Variants in P4HA1 observed in about 807,000 individuals in gnomAD.
P4HA1 encodes the protein prolyl 4-hydroxylase subunit alpha 1.
P4HA1 carries 24 observed loss-of-function variants against 72.8 expected under a neutral mutation model. The observed-to-expected ratio is 0.33, with a 90% confidence interval of 0.24 to 0.46. The LOEUF is 0.46. Ranked by LOEUF, P4HA1 falls within the 20% of genes least tolerant of loss-of-function variation. The probability of loss-of-function intolerance (pLI) is 1.00; values close to 1 mark genes in which losing one functional copy is unlikely to be tolerated. For synonymous variants in P4HA1, 201 were observed against 218.8 expected, an observed-to-expected ratio of 0.92 and a Z score of 0.72; for missense variants, 446 against 640.6, an observed-to-expected ratio of 0.70 and a Z score of 3.28.
chr10:73,025,695 A>G (rs1840249657), intron 10 of P4HA1, among the ~76,000 whole-genome samples: 1 of 152,088 alleles, frequency 6.6e-6, no homozygotes, highest in Non-Finnish European at 1.5e-5. Context: ...AGATGACATG[A>G]TTGTATATTT....
chr10:73,078,140 G>A (rs1341736826), intron 1 of P4HA1, among the ~76,000 whole-genome samples: 2 of 147,942 alleles, frequency 1.4e-5, no homozygotes, highest in South Asian at 4.3e-4. Flanking sequence ...CACTTTTAAG[G>A]AGTTCATACA....
chr10:73,014,022 T>C (rs573557422), intron 12 of P4HA1, among the ~76,000 whole-genome samples: 1 of 152,228 alleles, frequency 6.6e-6, no homozygotes, highest in Non-Finnish European at 1.5e-5. Context: ...ATTCTAAGTT[T>C]GTCCAGAAGT....
intron 1 of P4HA1, among the ~76,000 whole-genome samples, chr10:73,086,255 T>C (rs1841921372): frequency 6.6e-6 from 1 of 152,230 alleles, no homozygotes; most frequent in East Asian, 1.9e-4. Context: ...GCATTATTCA[T>C]AATAGCCAAA....
chr10:73,063,601 T>C (rs1256527315), intron 5 of P4HA1, among the ~76,000 whole-genome samples: 1 of 152,240 alleles, frequency 6.6e-6, no homozygotes, highest in Non-Finnish European at 1.5e-5. Flanking sequence ...ACTGAGAAGA[T>C]GAGCTCATAA....
At chr10:73,096,619 G>A (rs1248454885) in intron 1 of P4HA1, 147 bp downstream of exon 1, 2 of 153,548 alleles carry the variant, frequency 1.3e-5, no homozygotes, top group Admixed American at 1.3e-4. Flanking sequence ...TCTCCCGAGG[G>A]GAAGGAACCG....
chr10:73,087,815 T>G (rs1383932965), intron 1 of P4HA1, among the ~76,000 whole-genome samples: 10 of 152,104 alleles, frequency 6.6e-5, no homozygotes, highest in Admixed American at 1.3e-4. Context: ...ACAGTCTATT[T>G]TTTGTCAGAT....
intron 8 of P4HA1, 145 bp downstream of exon 8, chr10:73,046,780 T>C: frequency 1.6e-6 from 1 of 617,214 alleles, no homozygotes; most frequent in South Asian, 2.1e-5. Context: ...AAACACAGCA[T>C]CATTAGTAAC....
intron 13 of P4HA1, among the ~76,000 whole-genome samples, chr10:73,010,466 G>A (rs113399734): frequency 9.2e-5 from 14 of 152,128 alleles, no homozygotes; most frequent in African/African-American, 3.1e-4. Flanking sequence ...CAAGATGGAG[G>A]GGAAAACACA....
chr10:73,078,600 A>AT (rs770821126), intron 1 of P4HA1, among the ~76,000 whole-genome samples: 5,614 of 99,754 alleles, frequency 0.056, 707 homozygotes, highest in African/African-American at 0.068. Context: ...GCAGTAGGTA[A>AT]TTTTTTTTTT....
Position 73,061,530 on chromosome 10 carries a change from G to T in P4HA1, c.463+7316C>A, listed in dbSNP as rs553558829. 2.6e-5 allele frequency among the ~76,000 whole-genome samples: 4 copies of T among 152,266 alleles called. No homozygotes were observed. The East Asian group carries it at 7.7e-4, about 29-fold the overall frequency. On this transcript the variant is annotated intron_variant, in intron 5 of 14. Coordinates refer to ENST00000394890, the MANE Select transcript of P4HA1 (RefSeq NM_001017962.3). ...TTGAGATCACCAGAGAAATAATATTGACTGGGTATTAAATTATATTAAGGA... is the reference window on the plus strand; with the variant it reads ...TTGAGATCACCAGAGAAATAATATTTACTGGGTATTAAATTATATTAAGGA...
chr10:73,064,073 G>C (rs1841368594), intron 5 of P4HA1, among the ~76,000 whole-genome samples: 1 of 152,114 alleles, frequency 6.6e-6, no homozygotes, highest in Non-Finnish European at 1.5e-5. Flanking sequence ...CAAAGGAAGA[G>C]GCATGGATGA....
intron 12 of P4HA1, among the ~76,000 whole-genome samples, 196 bp downstream of exon 12, chr10:73,014,028 G>C (rs1308783243): frequency 6.6e-6 from 1 of 152,146 alleles, no homozygotes; most frequent in Non-Finnish European, 1.5e-5. Flanking sequence ...AGTTTGTCCA[G>C]AAGTTTCTAT....
intron 5 of P4HA1, among the ~76,000 whole-genome samples, chr10:73,058,443 G>A (rs1841212520): frequency 6.6e-6 from 1 of 152,166 alleles, no homozygotes; most frequent in South Asian, 2.1e-4. Context: ...TACAGGCTAT[G>A]ACACGCATAG....
chr10:73,055,169 G>T (rs1321674098), intron 5 of P4HA1, among the ~76,000 whole-genome samples: 1 of 152,126 alleles, frequency 6.6e-6, no homozygotes, highest in Admixed American at 6.5e-5. Context: ...AGAGTTCAAG[G>T]TTACAGTGAG....
intron 10 of P4HA1, among the ~76,000 whole-genome samples, chr10:73,022,281 T>C (rs1250205179): frequency 6.6e-6 from 1 of 152,106 alleles, no homozygotes; most frequent in Non-Finnish European, 1.5e-5. Context: ...CCCTCTGGGA[T>C]GAAGCTTCCA....
intron 5 of P4HA1, chr10:73,065,594 C>A (rs1320510978): frequency 3.3e-5 from 5 of 152,118 alleles, no homozygotes; most frequent in Non-Finnish European, 1.5e-5. Flanking sequence ...CTGACAAAAC[C>A]AAGAGCTGGC....
At chr10:73,066,603 G>A (rs1379991225) in intron 5 of P4HA1, among the ~76,000 whole-genome samples, 1 of 152,024 alleles carries the variant, frequency 6.6e-6, no homozygotes, top group Non-Finnish European at 1.5e-5. Context: ...CTGCAGCCTT[G>A]AACTCCTGGG....
intron 1 of P4HA1, among the ~76,000 whole-genome samples, chr10:73,075,638 AT>A (rs1841679935): frequency 6.6e-6 from 1 of 152,080 alleles, no homozygotes; most frequent in Non-Finnish European, 1.5e-5. Flanking sequence ...CATTTTCAAA[AT>A]GTTAGAATAC....
At chr10:73,053,240 G>T in intron 6 of P4HA1, 111 bp downstream of exon 6, 2 of 1,044,670 alleles carry the variant, frequency 1.9e-6, no homozygotes, top group South Asian at 1.6e-5. Context: ...TAAAGCTCCT[G>T]ACTTCTAAAA....
Sources: allele counts gnomAD v4.1 joint callset (sites outside exome capture counted in the v4.1 genomes callset), GRCh38; gene constraint gnomAD v4.1.1; transcripts MANE v1.5; gene names NCBI Gene and HGNC (gene_info 2026-07-23, HGNC 2026-07-21).